FAM83H: variants seen among roughly 807,000 people sequenced by gnomAD.
FAM83H encodes scaffolding CK1 anchoring protein H, also known as protein FAM83H.
In FAM83H, 24 loss-of-function variants were observed where a neutral mutation model predicts 30.2. The observed-to-expected ratio is 0.79, with a 90% CI of 0.57 to 1.12. FAM83H has a LOEUF of 1.12. FAM83H is among the 50% of genes most tolerant of loss of function. The pLI, the probability that FAM83H is intolerant of heterozygous loss-of-function variation, is 0.00. For synonymous variants in FAM83H, 1,013 were observed against 821.7 expected, an observed-to-expected ratio of 1.23 and a Z score of -3.98; for missense variants, 2,038 against 1,773.9, an observed-to-expected ratio of 1.15 and a Z score of -2.67.
rs1273764884 is a variant in FAM83H, at chr8:143,727,770, G to A, written c.1691C>T (p.Ala564Val). The A allele has an allele frequency of 4.1e-6, 6 of 1,458,758 alleles. No homozygotes were observed. Among genetic ancestry groups the A allele is most frequent in the Admixed American group, 5.1e-5 (2 of 39,000 alleles). 90.4% of individuals were successfully genotyped at this position (1,458,758 alleles called of 1,614,324 possible). ...GGGCCCGCCCCTGCGCTCCGGCTCC[G>A]CCTCGGGAGCGGGGTCTGGGCCCGG... The part of the protein sequence containing the change: ...ARPGPDPAPE[A>V]EPERRGGPEG... Residue 564 changes from alanine (A) to valine (V), a missense_variant, in exon 5 of 5, where the codon GCG becomes GTG. By Grantham distance (64) the Ala-to-Val change is moderately conservative. Coordinates refer to ENST00000388913, the MANE Select transcript of FAM83H (RefSeq NM_198488.5).
chr8:143,733,501 C>G lies in FAM83H; in HGVS notation c.-16+190G>C, dbSNP rs1818606108. 2.6e-5 allele frequency among the ~76,000 whole-genome samples: 4 copies of G among 151,980 alleles called. No individual in the cohort carries two copies. The South Asian group carries it at 8.3e-4, about 31-fold the overall frequency. On this transcript the variant is annotated intron_variant, in intron 1 of 4. Coordinates refer to ENST00000388913, the MANE Select transcript of FAM83H (RefSeq NM_198488.5). The surrounding 1 kb of genome is among the most constrained non-coding windows in gnomAD (Gnocchi z 5.6). ...TCGCGTCCATATCCGCACAGCGGCG[C>G]CCCCTGTCCGAGCAGCCCCGCCACC...
chr8:143,730,746 G>A (rs962696619), intron 1 of FAM83H, 149 bp from the exon 2 acceptor site: 16 of 631,222 alleles, frequency 2.5e-5, no homozygotes, highest in African/African-American at 5.5e-5. Flanking sequence ...GGCACCAGCC[G>A]AACCAGGCTC....
chr8:143,725,688 C>T lies in FAM83H; in HGVS notation c.*233G>A. The T allele has an allele frequency of 1.6e-6, 1 of 635,100 alleles. No individual in the cohort carries two copies. Among genetic ancestry groups the T allele is most frequent in the South Asian group, 2.0e-5 (1 of 51,148 alleles). The allele number at this position is 635,100 out of a possible 1,614,324, so 39.3% of individuals were successfully genotyped here. Reference sequence around the variant, plus strand: ...GATGAAGGTGCTGAGGGGAGAAAGGCACTGGTGGCGAGGGGTGCAGCCCCA... The same window carrying T: ...GATGAAGGTGCTGAGGGGAGAAAGGTACTGGTGGCGAGGGGTGCAGCCCCA... On this transcript the variant is annotated 3_prime_UTR_variant, in exon 5 of 5. Transcript: ENST00000388913.
rs1818294712 is a variant in FAM83H at position 143,726,411 on chromosome 8, C to T, written c.3050G>A (p.Arg1017Gln). ...TGAGGACAGGCGCGCCCGCGGACCC[C>T]GCTCTTCTGTGGCAGCCTCCGTGCT... The part of the protein sequence containing the change: ...GDSTEAATEE[R>Q]GPRARLSSAT... The change falls in exon 5 of 5, where the codon CGG (arginine) becomes CAG (glutamine). Residue 1017 changes from arginine (R) to glutamine (Q), a missense_variant. Arg to Gln is a conservative substitution (Grantham distance 43). Coordinates refer to ENST00000388913, the MANE Select transcript of FAM83H (RefSeq NM_198488.5). The T allele has an allele frequency of 6.2e-7, 1 of 1,604,950 alleles. No homozygotes were observed. The highest frequency in any genetic ancestry group is 8.5e-7 in the Non-Finnish European group (1 of 1,177,708).
In FAM83H at chr8:143,727,280, G is replaced by C. The variant is rs986630953; in HGVS notation, c.2181C>G (p.Arg727=). The C allele has an allele frequency of 1.3e-6, 2 of 1,536,018 alleles. No individual in the cohort carries two copies. Among genetic ancestry groups the C allele is most frequent in the South Asian group, 2.4e-5 (2 of 84,174 alleles). ...CCGCCACCTTGGTGGAAGCCGCGGA[G>C]CGCACGGCCTCTCCGCCGGGCCCCA... ...ETLGPGGEAV[R]SAASTKVAEL... Residue 727 remains arginine (R), a synonymous_variant, in exon 5 of 5, where the codon CGC becomes CGG. Coordinates refer to ENST00000388913, the MANE Select transcript of FAM83H (RefSeq NM_198488.5).
rs1818222032 is a variant in FAM83H, at chr8:143,724,943, G to A, written c.*978C>T. On this transcript the variant is annotated 3_prime_UTR_variant, in exon 5 of 5. Coordinates refer to ENST00000388913, the MANE Select transcript of FAM83H (RefSeq NM_198488.5). Reference sequence around the variant, plus strand: ...CGGGCTTCCCTGTGTCCCGTCCCCAGAGGCCTGCCCTGTCCAGCTTCCTTG... The same window carrying A: ...CGGGCTTCCCTGTGTCCCGTCCCCAAAGGCCTGCCCTGTCCAGCTTCCTTG... 1 of 152,276 alleles carries A rather than the reference G, an allele frequency of 6.6e-6. No individual in the cohort carries two copies. Among genetic ancestry groups the A allele is most frequent in the Admixed American group, 6.5e-5 (1 of 15,272 alleles). The allele number at this position is 152,276 out of a possible 1,614,324, so 9.4% of individuals were successfully genotyped here. A position where few individuals can be genotyped will look rare whatever the true frequency, so the allele number is the denominator to read the frequency against.
chr8:143,728,065 G>A lies in FAM83H; in HGVS notation c.1396C>T (p.Pro466Ser). The A allele has an allele frequency of 6.2e-7, 1 of 1,610,334 alleles. No individual in the cohort carries two copies. The highest frequency in any genetic ancestry group is 1.3e-5 in the African/African-American group (1 of 74,918). The change falls in exon 5 of 5, where the codon CCG (proline) becomes TCG (serine). Residue 466 changes from proline (P) to serine (S), a missense_variant. Pro to Ser is a moderately conservative substitution (Grantham distance 74). Transcript: ENST00000388913. ...QQYQWDPQLTPARPQGLFEKL... is the reference protein window; with the variant it reads ...QQYQWDPQLTSARPQGLFEKL... Reference sequence around the variant, plus strand: ...TCGAACAGGCCTTGCGGGCGCGCCGGCGTGAGCTGCGGGTCCCACTGGTAC... The same window carrying A: ...TCGAACAGGCCTTGCGGGCGCGCCGACGTGAGCTGCGGGTCCCACTGGTAC...
chr8:143,728,044 A>G lies in FAM83H; in HGVS notation c.1417T>C (p.Phe473Leu). The G allele has an allele frequency of 6.2e-7, 1 of 1,608,750 alleles. No individual in the cohort carries two copies. The highest frequency in any genetic ancestry group is 1.8e-4 in the Middle Eastern group (1 of 5,710). The change falls in exon 5 of 5, where the codon TTC becomes CTC. Residue 473 changes from phenylalanine to leucine, a missense_variant. Phe to Leu is a conservative substitution (Grantham distance 22). Transcript: ENST00000388913. ...GCGCGGCCCCCGCGAAGCTTCTCGA[A>G]CAGGCCTTGCGGGCGCGCCGGCGTG... is the stretch of plus-strand genomic sequence containing the variant. Reference protein sequence around the residue: ...QLTPARPQGLFEKLRGGRAGF... With the variant: ...QLTPARPQGLLEKLRGGRAGF...
chr8:143,731,973 G>A, intron 1 of FAM83H: 2 of 985,460 alleles, frequency 2.0e-6, no homozygotes, highest in Non-Finnish European at 2.4e-6. Flanking sequence ...CTGCTCCTCG[G>A]GTTGGGGAGG....
At chr8:143,729,493 G>C (rs1554623840) in intron 2 of FAM83H, among the ~76,000 whole-genome samples, 170 bp from the exon 3 acceptor site, 1 of 152,206 alleles carries the variant, frequency 6.6e-6, no homozygotes, top group African/African-American at 2.4e-5. Flanking sequence ...AGGAAGAAGG[G>C]ACCAAACAGA....
At chr8:143,731,522 C>T (rs187301775) in intron 1 of FAM83H, 2 of 985,426 alleles carry the variant, frequency 2.0e-6, no homozygotes, top group Non-Finnish European at 2.4e-6. Flanking sequence ...CTATGACCGC[C>T]CAGTCCTGGA....
intron 1 of FAM83H, among the ~76,000 whole-genome samples, chr8:143,730,892 G>A (rs1030540913): frequency 6.6e-6 from 1 of 152,124 alleles, no homozygotes; most frequent in Admixed American, 6.5e-5. Flanking sequence ...CCAGGAGTTT[G>A]AAACCAGCCT....
At position 143,725,860 on chromosome 8, in the gene FAM83H, G is replaced by C; in HGVS notation, c.*61C>G. ...TGAGCAGGGCTCTCTGTTCCGCGGG[G>C]CTTCTGGATGACCGGGGCAGCGATG... On this transcript the variant is annotated 3_prime_UTR_variant, in exon 5 of 5. Transcript: ENST00000388913. 2 of 1,591,552 alleles carry C rather than the reference G, an allele frequency of 1.3e-6. No individual in the cohort carries two copies. Among genetic ancestry groups the C allele is most frequent in the Non-Finnish European group, 1.7e-6 (2 of 1,168,248 alleles).
rs1818236056 is a variant in FAM83H at position 143,725,156 on chromosome 8, C to CAGGGGGGGGGGG, written c.*764_*765insCCCCCCCCCCCT. Reference sequence around the variant, plus strand: ...AAGCCCAGGCGGGGGAGGGGGGAGACGGGGGGGGGGGGGGGGGAGGGAAGG... The same window carrying CAGGGGGGGGGGG: ...AAGCCCAGGCGGGGGAGGGGGGAGACAGGGGGGGGGGGGGGGGGGGGGGGGGGGGAGGGAAGG... On this transcript the variant is annotated 3_prime_UTR_variant, in exon 5 of 5. Transcript: ENST00000388913. 2.7e-5 allele frequency: 1 copy of CAGGGGGGGGGGG among 37,534 alleles called. No homozygotes were observed. The highest frequency in any genetic ancestry group is 1.4e-4 in the African/African-American group (1 of 7,312). The allele number at this position is 37,534 out of a possible 1,614,324, so 2.3% of individuals were successfully genotyped here.
chr8:143,728,771 C>A (rs1818406732), intron 4 of FAM83H, 48 bp from the exon 5 acceptor site: 2 of 1,598,444 alleles, frequency 1.3e-6, no homozygotes, highest in African/African-American at 2.7e-5. Context: ...AGCGAGGGCA[C>A]TGCAGCCCCG....
chr8:143,730,572 C>A lies in FAM83H; in HGVS notation c.11G>T (p.Arg4Leu). 6.5e-7 allele frequency: 1 copy of A among 1,549,154 alleles called. No homozygotes were observed. Among genetic ancestry groups the A allele is most frequent in the South Asian group, 1.2e-5 (1 of 81,862 alleles). The change falls in exon 2 of 5, where the codon CGC (arginine) becomes CTC (leucine). Residue 4 changes from arginine to leucine, a missense_variant. Transcript: ENST00000388913. Reference sequence around the variant, plus strand: ...GTCCCCCTGCGAGGAGCTCTGAGAGCGACGGGCCATGTTGGGGCCAGGGGC... The same window carrying A: ...GTCCCCCTGCGAGGAGCTCTGAGAGAGACGGGCCATGTTGGGGCCAGGGGC... MAR[R>L]SQSSSQGDNP...
chr8:143,729,011 C>T lies in FAM83H; in HGVS notation c.693G>A (p.Lys231=). The T allele has an allele frequency of 6.2e-7, 1 of 1,613,728 alleles. No individual in the cohort carries two copies. Among genetic ancestry groups the T allele is most frequent in the Non-Finnish European group, 8.5e-7 (1 of 1,180,000 alleles). The change falls in exon 4 of 5, where the codon AAG becomes AAA. Residue 231 remains lysine (K), a synonymous_variant. Transcript: ENST00000388913. ...GKSFKGHVKE[K]FLLVDCAVVM... is the part of the protein sequence containing the mutation. ...CCACGGCACAGTCCACCAGCAGGAA[C>T]TTCTCCTTGACGTGGCCCTTGAAGG...
rs782037256 is a variant in FAM83H at position 143,727,545 on chromosome 8, T to A, written c.1916A>T (p.Lys639Met). 70 of 1,586,374 alleles carry A rather than the reference T, an allele frequency of 4.4e-5. No individual in the cohort carries two copies. Among genetic ancestry groups the A allele is most frequent in the Non-Finnish European group, 5.3e-5 (62 of 1,173,642 alleles). The change falls in exon 5 of 5, where the codon AAG (lysine) becomes ATG (methionine). Residue 639 changes from lysine to methionine, a missense_variant. Transcript: ENST00000388913. ...AFRVPAAFPT[K>M]VPVPGPGSGG... The stretch of plus-strand genomic sequence containing the variant: ...GCTGCCCGGGCCTGGCACCGGGACC[T>A]TGGTGGGGAAGGCTGCTGGGACGCG...
At chr8:143,730,060 G>T in intron 2 of FAM83H, 76 bp downstream of exon 2, 2 of 1,304,000 alleles carry the variant, frequency 1.5e-6, no homozygotes, top group Non-Finnish European at 2.1e-6. Flanking sequence ...AGCTGATCAT[G>T]CTCATGCATC....
Sources: gnomAD v4.1 joint callset for allele counts (sites outside exome capture counted in the v4.1 genomes callset) on GRCh38, gnomAD v4.1.1 for gene constraint, Gnocchi (gnomAD v3.1) non-coding constraint, MANE v1.5 for transcripts, NCBI Gene and HGNC (gene_info 2026-07-23, HGNC 2026-07-21) for gene names.